REEP5: variants seen among roughly 807,000 people sequenced by gnomAD.
REEP5 encodes the protein receptor accessory protein 5, also known as receptor expression-enhancing protein 5.
REEP5 carries 24 observed loss-of-function variants against 22.4 expected under a neutral mutation model. That is an observed-to-expected ratio of 1.07 (90% confidence interval 0.78 to 1.51). The LOEUF is 1.51. Among genes scored for constraint, REEP5 ranks in the 40% most tolerant of loss-of-function variants. The pLI, the probability that REEP5 is intolerant of heterozygous loss-of-function variation, is 0.00. For synonymous variants in REEP5, 103 were observed against 88.6 expected (o/e 1.16, Z -0.92); for missense variants, 252 against 233.0 (o/e 1.08, Z -0.53).
Position 112,921,952 on chromosome 5 carries a change from G to A in REEP5, c.118+121C>T, listed in dbSNP as rs182451008. 55 of 1,277,090 alleles carry A rather than the reference G, an allele frequency of 4.3e-5. No homozygotes were observed. In the African/African-American group the frequency reaches 6.8e-4, roughly 16 times the overall value. 79.1% of individuals were successfully genotyped at this position (1,277,090 alleles called of 1,614,324 possible). A position where few individuals can be genotyped will look rare whatever the true frequency, so the allele number is the denominator to read the frequency against. On this transcript the variant is annotated intron_variant, in intron 1 of 4. Coordinates refer to ENST00000379638, the MANE Select transcript of REEP5 (RefSeq NM_005669.5). ...GGCCAGCCTGATCCCTGAATATGCT[G>A]CTTGTCCCGTCTGTCTCCGACTCCA... is the stretch of plus-strand genomic sequence containing the variant.
chr5:112,909,288 T>C (rs1458574227), intron 2 of REEP5, among the ~76,000 whole-genome samples: 2 of 150,028 alleles, frequency 1.3e-5, no homozygotes, highest in Non-Finnish European at 3.0e-5. Flanking sequence ...GTAGTTAATA[T>C]ATGTAAAGCA....
At chr5:112,916,508 A>T (rs1371498870) in intron 2 of REEP5, among the ~76,000 whole-genome samples, 1 of 152,260 alleles carries the variant, frequency 6.6e-6, no homozygotes, top group Non-Finnish European at 1.5e-5. Context: ...ATTCTAACTA[A>T]TGTCTACAAA....
rs546884554 is a variant in REEP5 at position 112,920,228 on chromosome 5, T to C, written c.212+935A>G. On this transcript the variant is annotated intron_variant, in intron 2 of 4. Transcript: ENST00000379638. ...CTTCTAAAACATGTTTCTTCCCTTA[T>C]AGTCATAGACTAAATTCTAGCCTAA... Among the ~76,000 whole-genome samples, 13 of 152,356 alleles carry C rather than the reference T, an allele frequency of 8.5e-5. No homozygotes were observed. The South Asian group carries it at 1.4e-3, about 17-fold the overall frequency.
chr5:112,901,232 G>A (rs1768835849), intron 3 of REEP5, among the ~76,000 whole-genome samples: 1 of 152,086 alleles, frequency 6.6e-6, no homozygotes, highest in African/African-American at 2.4e-5. Context: ...TTTTAAACTG[G>A]GGAGCGGTAA....
intron 2 of REEP5, among the ~76,000 whole-genome samples, chr5:112,918,896 A>C (rs1769288173): frequency 6.6e-6 from 1 of 152,050 alleles, no homozygotes; most frequent in African/African-American, 2.4e-5. Context: ...TCTCTACCAG[A>C]ACTGTTTATT....
intron 4 of REEP5, among the ~76,000 whole-genome samples, chr5:112,881,659 T>C (rs143098438): frequency 1.3e-5 from 2 of 152,302 alleles, no homozygotes; most frequent in African/African-American, 4.8e-5. Context: ...TCAGATTCTA[T>C]CACTGAGTAG....
chr5:112,921,807 A>G, intron 1 of REEP5: 2 of 343,678 alleles, frequency 5.8e-6, no homozygotes, highest in Non-Finnish European at 1.1e-5. Context: ...CGCGGGGCAG[A>G]CATACGTCAG....
At chr5:112,910,609 T>C (rs1229182030) in intron 2 of REEP5, among the ~76,000 whole-genome samples, 1 of 152,234 alleles carries the variant, frequency 6.6e-6, no homozygotes, top group African/African-American at 2.4e-5. Flanking sequence ...ACCATATATA[T>C]GCTAATAACT....
At chr5:112,885,685 C>A in intron 4 of REEP5, 1 of 307,444 alleles carries the variant, frequency 3.3e-6, no homozygotes, top group Non-Finnish European at 6.7e-6. Context: ...CAATTCCTAA[C>A]CAGCCTCCCT....
chr5:112,921,095 C>CT, intron 2 of REEP5, 68 bp downstream of exon 2: 1 of 1,468,972 alleles, frequency 6.8e-7, no homozygotes, highest in Non-Finnish European at 9.4e-7. Flanking sequence ...GATGTGCAGT[C>CT]TACTGCAGCA....
At chr5:112,902,249 C>G (rs952030712) in intron 3 of REEP5, 131 bp downstream of exon 3, 1 of 958,848 alleles carries the variant, frequency 1.0e-6, no homozygotes, top group Non-Finnish European at 1.5e-6. Flanking sequence ...GAGTCTCGCT[C>G]TGTTGCCCAG....
chr5:112,889,068 T>A (rs1047724672), intron 3 of REEP5, among the ~76,000 whole-genome samples: 6 of 150,942 alleles, frequency 4.0e-5, no homozygotes, highest in African/African-American at 1.2e-4. Flanking sequence ...CCTTTGCTTT[T>A]CCTTCATCTT....
chr5:112,885,906 TTCCAGACCTGGGTATC>T (rs561291346), intron 4 of REEP5, among the ~76,000 whole-genome samples: 10 of 152,322 alleles, frequency 6.6e-5, no homozygotes, highest in Admixed American at 1.3e-4. Context: ...GATGACTTCA[TTCCAGACCTGGGTATC>T]TCCAATCTAC....
intron 1 of REEP5, 29 bp downstream of exon 1, chr5:112,922,044 A>C (rs1032890369): frequency 6.4e-7 from 1 of 1,572,990 alleles, no homozygotes; most frequent in Non-Finnish European, 8.6e-7. Context: ...CCGTGGCCCT[A>C]CCAGCGGCGG....
rs567099937 is a variant in REEP5, at chr5:112,912,775, ATTCAAAATGGTT to A, written c.212+8376_212+8387del. On this transcript the variant is annotated intron_variant, in intron 2 of 4. Coordinates refer to ENST00000379638, the MANE Select transcript of REEP5 (RefSeq NM_005669.5). ...GAGTATGATGTAGGAATTCTTAGTAATTCAAAATGGTTTTCCTATTATCAGTACCTCAAATAA... is the reference window on the plus strand; with the variant it reads ...GAGTATGATGTAGGAATTCTTAGTAATTCCTATTATCAGTACCTCAAATAA... Among the ~76,000 whole-genome samples, 24 of 152,328 alleles carry A rather than the reference ATTCAAAATGGTT, an allele frequency of 1.6e-4. 1 individual carries two copies. Among genetic ancestry groups the A allele is most frequent in the Admixed American group, 1.6e-3 (24 of 15,300 alleles).
At chr5:112,896,996 T>C (rs567942026) in intron 3 of REEP5, 1 of 152,174 alleles carries the variant, frequency 6.6e-6, no homozygotes, top group Non-Finnish European at 1.5e-5. Flanking sequence ...AGATATTAAT[T>C]GCAGCATTAT....
intron 2 of REEP5, among the ~76,000 whole-genome samples, chr5:112,904,592 C>A (rs1314997940): frequency 6.6e-6 from 1 of 152,188 alleles, no homozygotes; most frequent in Non-Finnish European, 1.5e-5. Context: ...TGTGATGGGA[C>A]TGTCATTGTT....
chr5:112,882,284 T>C (rs1768102887), intron 4 of REEP5, among the ~76,000 whole-genome samples: 1 of 152,090 alleles, frequency 6.6e-6, no homozygotes. Flanking sequence ...TCACCTTTTA[T>C]CTTTGTAGTG....
At chr5:112,916,046 C>T (rs1350006432) in intron 2 of REEP5, among the ~76,000 whole-genome samples, 2 of 152,208 alleles carry the variant, frequency 1.3e-5, no homozygotes, top group African/African-American at 4.8e-5. Context: ...ATTCACACCA[C>T]GGTGACTTTC....
Sources: gnomAD v4.1 joint callset for allele counts (sites outside exome capture counted in the v4.1 genomes callset) on GRCh38, gnomAD v4.1.1 for gene constraint, MANE v1.5 for transcripts, NCBI Gene and HGNC (gene_info 2026-07-23, HGNC 2026-07-21) for gene names.